Variants in SBF2 observed in about 807,000 individuals in gnomAD.
The protein encoded by SBF2 is myotubularin-related protein 13.
Under a neutral mutation model 225.2 loss-of-function variants are expected in SBF2, and 112 were observed. That is an observed-to-expected ratio of 0.50 (90% CI 0.43 to 0.58). The LOEUF (loss-of-function observed/expected upper bound fraction) is 0.58. Among genes scored for constraint, SBF2 ranks in the 20% least tolerant of loss-of-function variants. The probability of loss-of-function intolerance (pLI) is 0.00; values close to 1 mark genes in which losing one functional copy is unlikely to be tolerated. For synonymous variants in SBF2, 763 were observed against 773.3 expected (o/e 0.99, Z 0.22); for missense variants, 1,996 against 2,206.2 (o/e 0.90, Z 1.91).
chr11:9,891,955 T>C (rs1860858238), intron 17 of SBF2, among the ~76,000 whole-genome samples: 1 of 152,182 alleles, frequency 6.6e-6, no homozygotes, highest in South Asian at 2.1e-4. Context: ...TAGGTACATA[T>C]ATACCATCTT....
intron 1 of SBF2, among the ~76,000 whole-genome samples, chr11:10,273,200 T>C (rs1388235007): frequency 6.6e-6 from 1 of 152,224 alleles, no homozygotes; most frequent in Non-Finnish European, 1.5e-5. Flanking sequence ...TCTGTTTAAT[T>C]ATTAGTAGAA....
chr11:10,188,170 G>A (rs866127351), intron 2 of SBF2, among the ~76,000 whole-genome samples: 3 of 152,208 alleles, frequency 2.0e-5, no homozygotes, highest in African/African-American at 7.2e-5. Flanking sequence ...GAAGAAATAG[G>A]ATAGTAGCTA....
chr11:9,870,697 C>T (rs2175656), intron 17 of SBF2, among the ~76,000 whole-genome samples: 82 of 152,174 alleles, frequency 5.4e-4, no homozygotes, highest in South Asian at 1.0e-3. Flanking sequence ...TTAACCTGGC[C>T]GGGCACAGTG....
At chr11:9,833,484 G>A (rs569414528) in intron 26 of SBF2, among the ~76,000 whole-genome samples, 3 of 146,382 alleles carry the variant, frequency 2.0e-5, no homozygotes, top group Non-Finnish European at 3.0e-5. Context: ...GCAGTGGCAC[G>A]ATCTCGGCCC....
intron 33 of SBF2, chr11:9,791,373 T>C (rs952423889): frequency 6.7e-6 from 1 of 150,126 alleles, no homozygotes; most frequent in Non-Finnish European, 1.5e-5. Context: ...GTGTCTTGCT[T>C]GGAATGAAGT....
At chr11:10,221,701 A>C (rs565036967) in intron 1 of SBF2, among the ~76,000 whole-genome samples, 1 of 152,202 alleles carries the variant, frequency 6.6e-6, no homozygotes, top group Non-Finnish European at 1.5e-5. Flanking sequence ...CTATATATAA[A>C]TAGGTATATA....
intron 1 of SBF2, among the ~76,000 whole-genome samples, chr11:10,266,162 G>A (rs1020221594): frequency 3.3e-5 from 5 of 152,272 alleles, no homozygotes; most frequent in South Asian, 4.1e-4. Context: ...ACTCAGCTCT[G>A]TAGTTAAATG....
intron 2 of SBF2, among the ~76,000 whole-genome samples, chr11:10,136,346 T>C (rs546602012): frequency 6.6e-6 from 1 of 152,264 alleles, no homozygotes; most frequent in African/African-American, 2.4e-5. Context: ...GAAGAAACTC[T>C]TGGTGGGCTC....
At chr11:10,270,159 T>A (rs1007809513) in intron 1 of SBF2, among the ~76,000 whole-genome samples, 3 of 151,934 alleles carry the variant, frequency 2.0e-5, no homozygotes, top group Non-Finnish European at 4.4e-5. Flanking sequence ...TAAAAATTGA[T>A]GTTATGTTTT....
rs780223751 is a variant in SBF2 at position 9,829,534 on chromosome 11, T to C, written c.3653-38A>G. The C allele has an allele frequency of 5.9e-6, 9 of 1,524,622 alleles. No homozygotes were observed. The East Asian group carries it at 2.0e-4, about 34-fold the overall frequency. 94.4% of individuals were successfully genotyped at this position (1,524,622 alleles called of 1,614,324 possible). A position where few individuals can be genotyped will look rare whatever the true frequency, so the allele number is the denominator to read the frequency against. On this transcript the variant is annotated intron_variant, in intron 27 of 39. Coordinates refer to ENST00000256190, the MANE Select transcript of SBF2 (RefSeq NM_030962.4). ...AATATATTGAATAAAATAAACTGTC[T>C]CTGTGTTAACAAAACAAGTATCTAT...
intron 16 of SBF2, among the ~76,000 whole-genome samples, chr11:9,905,044 A>C (rs1431258149): frequency 1.3e-5 from 2 of 152,188 alleles, no homozygotes; most frequent in African/African-American, 4.8e-5. Flanking sequence ...CAAAACAAAA[A>C]ACTATCAGTA....
Position 9,787,893 on chromosome 11 carries a change from G to A in SBF2, c.4933-155C>T. The A allele has an allele frequency of 8.8e-6, 6 of 684,592 alleles. No individual in the cohort carries two copies. The Admixed American group carries it at 1.3e-4, about 14-fold the overall frequency. The allele number at this position is 684,592 out of a possible 1,614,324, so 42.4% of individuals were successfully genotyped here. On this transcript the variant is annotated intron_variant, in intron 35 of 39. Transcript: ENST00000256190. The stretch of plus-strand genomic sequence containing the variant: ...ATGGGCCTGTGAGGTCTCCCAGCCA[G>A]GAATAGTGGTGAGAGCTCTAGTTGG...
intron 16 of SBF2, among the ~76,000 whole-genome samples, chr11:9,908,687 T>TGTTGCTGC (rs368242902): frequency 6.6e-6 from 1 of 151,580 alleles, no homozygotes; most frequent in Admixed American, 6.6e-5. Flanking sequence ...GTTCATAATC[T>TGTTGCTGC]TGTTGTTGCT....
At chr11:9,805,916 C>T (rs776465533) in intron 32 of SBF2, among the ~76,000 whole-genome samples, 67 of 152,288 alleles carry the variant, frequency 4.4e-4, no homozygotes, top group Non-Finnish European at 7.2e-4. Context: ...CCACCACGCC[C>T]GACCAGGATA....
chr11:9,986,807 C>G (rs180855022), intron 13 of SBF2, among the ~76,000 whole-genome samples: 1 of 152,006 alleles, frequency 6.6e-6, no homozygotes, highest in Admixed American at 6.6e-5. Context: ...AAAAAAAAGT[C>G]GAGGACCAGA....
At chr11:10,173,244 G>C (rs1290897330) in intron 2 of SBF2, among the ~76,000 whole-genome samples, 2 of 152,226 alleles carry the variant, frequency 1.3e-5, no homozygotes, top group Non-Finnish European at 2.9e-5. Flanking sequence ...TTCCATCTGA[G>C]GTACCGGGTT....
chr11:10,148,913 C>T (rs1246177764), intron 2 of SBF2, among the ~76,000 whole-genome samples: 1 of 152,164 alleles, frequency 6.6e-6, no homozygotes, highest in Non-Finnish European at 1.5e-5. Flanking sequence ...CTCCTGGCTT[C>T]ACCCTCTATG....
At chr11:10,169,387 A>G (rs1333100073) in intron 2 of SBF2, among the ~76,000 whole-genome samples, 1 of 151,954 alleles carries the variant, frequency 6.6e-6, no homozygotes, top group African/African-American at 2.4e-5. Context: ...TCTCTCTATG[A>G]GATCAATTGT....
Position 10,172,781 on chromosome 11 carries a change from C to T in SBF2, c.141+21121G>A, listed in dbSNP as rs528264840. Among the ~76,000 whole-genome samples, 6 of 152,326 alleles carry T rather than the reference C, an allele frequency of 3.9e-5. No individual in the cohort carries two copies. In the East Asian group the frequency reaches 1.2e-3, roughly 29 times the overall value. ...TCCTGGGTTCAAGCGATTCTCATGC[C>T]TCAGCCTCCCGAGTAGCTGGGATTA... On this transcript the variant is annotated intron_variant, in intron 2 of 39. Coordinates refer to ENST00000256190, the MANE Select transcript of SBF2 (RefSeq NM_030962.4).
Sources: gnomAD v4.1 joint callset for allele counts (sites outside exome capture counted in the v4.1 genomes callset) on GRCh38, gnomAD v4.1.1 for gene constraint, MANE v1.5 for transcripts, NCBI Gene and HGNC (gene_info 2026-07-23, HGNC 2026-07-21) for gene names.